Variants in ARHGAP15 observed in about 807,000 individuals in gnomAD.
The protein encoded by ARHGAP15 is rho GTPase-activating protein 15.
Under a neutral mutation model 63.7 loss-of-function variants are expected in ARHGAP15, and 51 were observed. The ratio of observed to expected loss-of-function variants is 0.80; its 90% CI spans 0.64 to 1.01. ARHGAP15 has a LOEUF of 1.01. Among genes scored for constraint, ARHGAP15 ranks in the 50% least tolerant of loss-of-function variants. The pLI is 0.00. For synonymous variants in ARHGAP15, 191 were observed against 193.8 expected (o/e 0.99, Z 0.12); for missense variants, 560 against 564.6 (o/e 0.99, Z 0.08).
intron 3 of ARHGAP15, among the ~76,000 whole-genome samples, chr2:143,214,291 A>AT (rs1313876571): frequency 1.3e-5 from 2 of 152,230 alleles, no homozygotes; most frequent in Admixed American, 6.5e-5. Context: ...AAAACAATAA[A>AT]TTTTTTCTAC....
intron 10 of ARHGAP15, among the ~76,000 whole-genome samples, chr2:143,552,663 C>T (rs890489258): frequency 6.6e-6 from 1 of 152,106 alleles, no homozygotes; most frequent in African/African-American, 2.4e-5. Flanking sequence ...AGAAGGTCAG[C>T]TGATGATGAA....
intron 13 of ARHGAP15, among the ~76,000 whole-genome samples, chr2:143,732,456 G>T: frequency 6.6e-6 from 1 of 151,926 alleles, no homozygotes; most frequent in East Asian, 1.9e-4. Context: ...GTATTAATCA[G>T]GTTAATATGA....
rs537032755 is a variant in ARHGAP15 at position 143,624,782 on chromosome 2, G to T, written c.1138+515G>T. Among the ~76,000 whole-genome samples the T allele has an allele frequency of 1.1e-4, 17 of 152,260 alleles. No homozygotes were observed. The East Asian group carries it at 3.3e-3, about 29-fold the overall frequency. ...CAGCCATAATTTGCTTATGAGCAGCGTGATTATCAAATGAAGTAATGGCAA... is the reference window on the plus strand; with the variant it reads ...CAGCCATAATTTGCTTATGAGCAGCTTGATTATCAAATGAAGTAATGGCAA... On this transcript the variant is annotated intron_variant, in intron 12 of 13. Coordinates refer to ENST00000295095, the MANE Select transcript of ARHGAP15 (RefSeq NM_018460.4).
At chr2:143,411,695 G>C (rs1688452953) in intron 6 of ARHGAP15, among the ~76,000 whole-genome samples, 1 of 152,074 alleles carries the variant, frequency 6.6e-6, no homozygotes, top group Non-Finnish European at 1.5e-5. Flanking sequence ...AGATACATTG[G>C]TAACTAAAAC....
intron 13 of ARHGAP15, among the ~76,000 whole-genome samples, chr2:143,762,188 T>C (rs1466208883): frequency 6.6e-6 from 1 of 152,192 alleles, no homozygotes; most frequent in East Asian, 1.9e-4. Flanking sequence ...AGTAAATTAA[T>C]GATGAGTCAA....
At chr2:143,144,135 T>C (rs925305887) in intron 1 of ARHGAP15, among the ~76,000 whole-genome samples, 8 of 152,120 alleles carry the variant, frequency 5.3e-5, no homozygotes, top group Admixed American at 1.3e-4. Flanking sequence ...ATAGTGTATA[T>C]GTACCACATT....
At chr2:143,272,557 G>T (rs944099451) in intron 6 of ARHGAP15, among the ~76,000 whole-genome samples, 2 of 152,142 alleles carry the variant, frequency 1.3e-5, no homozygotes, top group South Asian at 4.1e-4. Flanking sequence ...GGAGGCTGAG[G>T]CAGGAGAATT....
intron 6 of ARHGAP15, among the ~76,000 whole-genome samples, chr2:143,300,065 G>T (rs1682826242): frequency 6.6e-6 from 1 of 151,900 alleles, no homozygotes. Flanking sequence ...AAATATCTGG[G>T]ATTATAAAAG....
Position 143,518,402 on chromosome 2 carries a change from G to A in ARHGAP15, c.827-864G>A, listed in dbSNP as rs367697957. ...CTAGGATTTCACAGTGGGTATTCTC[G>A]GAAACATTAGTCTGGAGACATGCTC... On this transcript the variant is annotated intron_variant, in intron 9 of 13. Transcript: ENST00000295095. Among the ~76,000 whole-genome samples, 14 of 152,258 alleles carry A rather than the reference G, an allele frequency of 9.2e-5. No individual in the cohort carries two copies. The East Asian group carries it at 1.5e-3, about 17-fold the overall frequency.
intron 6 of ARHGAP15, among the ~76,000 whole-genome samples, chr2:143,427,127 C>T (rs1462995213): frequency 1.3e-5 from 2 of 152,088 alleles, no homozygotes; most frequent in East Asian, 1.9e-4. Context: ...AGACATGGAA[C>T]AATTCTTGAA....
At chr2:143,659,709 G>A (rs1212149920) in intron 12 of ARHGAP15, among the ~76,000 whole-genome samples, 2 of 152,184 alleles carry the variant, frequency 1.3e-5, no homozygotes, top group African/African-American at 4.8e-5. Context: ...GGTTTATGTG[G>A]TAATACAGGC....
chr2:143,604,887 GT>G (rs905139969), intron 11 of ARHGAP15, among the ~76,000 whole-genome samples: 3 of 151,766 alleles, frequency 2.0e-5, no homozygotes, highest in African/African-American at 4.8e-5. Flanking sequence ...ATTTTACAGG[GT>G]TTTTTTGTTT....
At chr2:143,723,015 T>C (rs576493681) in intron 13 of ARHGAP15, among the ~76,000 whole-genome samples, 2 of 152,350 alleles carry the variant, frequency 1.3e-5, no homozygotes, top group East Asian at 3.9e-4. Flanking sequence ...TTACATATGA[T>C]GGTGGTCCCA....
chr2:143,665,974 G>T, intron 12 of ARHGAP15, among the ~76,000 whole-genome samples: 1 of 147,900 alleles, frequency 6.8e-6, no homozygotes, highest in Non-Finnish European at 1.5e-5. Context: ...AATCAATATC[G>T]TGAAAATGGC....
intron 11 of ARHGAP15, among the ~76,000 whole-genome samples, chr2:143,590,460 A>G (rs1217260147): frequency 6.6e-6 from 1 of 152,180 alleles, no homozygotes. Context: ...CTGTGTGAGT[A>G]TAGGGATAAA....
intron 6 of ARHGAP15, among the ~76,000 whole-genome samples, chr2:143,431,395 G>A (rs1446080381): frequency 1.3e-5 from 2 of 151,984 alleles, no homozygotes; most frequent in African/African-American, 2.4e-5. Flanking sequence ...TTATGATAGT[G>A]GAGGAAAGCT....
intron 8 of ARHGAP15, among the ~76,000 whole-genome samples, chr2:143,457,165 A>G (rs1690698867): frequency 6.6e-6 from 1 of 152,292 alleles, no homozygotes; most frequent in Admixed American, 6.5e-5. Context: ...TTCATTTAAC[A>G]GATTCTGTTC....
chr2:143,669,355 G>T (rs1682398303), intron 12 of ARHGAP15, among the ~76,000 whole-genome samples: 1 of 152,176 alleles, frequency 6.6e-6, no homozygotes, highest in Non-Finnish European at 1.5e-5. Context: ...AGTTGGACAT[G>T]AATCACTTAC....
At chr2:143,257,540 GT>G (rs1680487401) in intron 6 of ARHGAP15, among the ~76,000 whole-genome samples, 1 of 152,046 alleles carries the variant, frequency 6.6e-6, no homozygotes, top group South Asian at 2.1e-4. Flanking sequence ...TAAATTCTGG[GT>G]TTTAGTCTGA....
Sources: gnomAD v4.1 joint callset for allele counts (sites outside exome capture counted in the v4.1 genomes callset) on GRCh38, gnomAD v4.1.1 for gene constraint, MANE v1.5 for transcripts, NCBI Gene and HGNC (gene_info 2026-07-23, HGNC 2026-07-21) for gene names.